PPP2R3A: variants seen among roughly 807,000 people sequenced by gnomAD.
PPP2R3A encodes the protein protein phosphatase 2 regulatory subunit B''alpha.
A neutral mutation model predicts 106.9 loss-of-function variants in PPP2R3A; 80 were observed. The observed-to-expected ratio is 0.75, with a 90% CI of 0.62 to 0.90. The LOEUF is 0.90. PPP2R3A is among the 40% of genes least tolerant of loss of function. PPP2R3A has a pLI of 0.00. For synonymous variants in PPP2R3A, 483 were observed against 468.3 expected (o/e 1.03, Z -0.41); for missense variants, 1,386 against 1,350.4 (o/e 1.03, Z -0.41).
intron 1 of PPP2R3A, among the ~76,000 whole-genome samples, chr3:135,980,253 G>C (rs886265178): frequency 1.3e-5 from 2 of 151,792 alleles, no homozygotes; most frequent in African/African-American, 4.9e-5. Context: ...AAATTTTCCA[G>C]AGATTGGAAA....
intron 1 of PPP2R3A, among the ~76,000 whole-genome samples, chr3:135,982,588 C>G (rs975245305): frequency 1.3e-5 from 2 of 152,166 alleles, no homozygotes; most frequent in Non-Finnish European, 2.9e-5. Context: ...CTTGCTGGCT[C>G]TCTTACAGCA....
intron 4 of PPP2R3A, among the ~76,000 whole-genome samples, chr3:136,041,228 G>A (rs1170378121): frequency 8.3e-6 from 1 of 120,636 alleles, no homozygotes; most frequent in Non-Finnish European, 1.7e-5. Flanking sequence ...AGTTTTACTT[G>A]GTTTTTCTTG....
At chr3:136,125,118 C>T (rs1423296286) in intron 13 of PPP2R3A, among the ~76,000 whole-genome samples, 1 of 151,978 alleles carries the variant, frequency 6.6e-6, no homozygotes, top group Non-Finnish European at 1.5e-5. Flanking sequence ...GTCGGGAGTT[C>T]GAGACCAGCC....
chr3:136,097,993 C>T (rs1370295238), intron 10 of PPP2R3A, among the ~76,000 whole-genome samples: 1 of 152,220 alleles, frequency 6.6e-6, no homozygotes, highest in Non-Finnish European at 1.5e-5. Context: ...TGAACCTCAC[C>T]ATAGCCAACC....
chr3:136,137,682 C>T (rs1249586928), intron 13 of PPP2R3A, among the ~76,000 whole-genome samples: 1 of 151,818 alleles, frequency 6.6e-6, no homozygotes, highest in African/African-American at 2.4e-5. Context: ...GCTGGGACTA[C>T]AGGCGCCTGC....
chr3:136,007,392 G>T (rs978172294), intron 2 of PPP2R3A, among the ~76,000 whole-genome samples: 3 of 152,162 alleles, frequency 2.0e-5, no homozygotes, highest in Non-Finnish European at 2.9e-5. Context: ...TCAAGGATGG[G>T]TACAAGAGGA....
chr3:136,121,015 G>T (rs1464486826), intron 13 of PPP2R3A, among the ~76,000 whole-genome samples: 1 of 152,118 alleles, frequency 6.6e-6, no homozygotes, highest in Non-Finnish European at 1.5e-5. Context: ...GCCACACTGT[G>T]GGGAGCAGTT....
intron 10 of PPP2R3A, among the ~76,000 whole-genome samples, chr3:136,095,284 A>G (rs1409245297): frequency 6.6e-6 from 1 of 152,242 alleles, no homozygotes; most frequent in Non-Finnish European, 1.5e-5. Context: ...TGTTACCAAC[A>G]AAGGTTTTTT....
rs981643616 is a variant in PPP2R3A at position 136,128,018 on chromosome 3, A to G, written c.3330-17025A>G. Among the ~76,000 whole-genome samples, 7 of 152,216 alleles carry G rather than the reference A, an allele frequency of 4.6e-5. No homozygotes were observed. In the East Asian group the frequency reaches 1.3e-3, roughly 29 times the overall value. On this transcript the variant is annotated intron_variant, in intron 13 of 13. Transcript: ENST00000264977. ...TATAAGAGCTCCTGAAGGAAGCACT[A>G]AACATGGAAAGAAGCAACCGGAACG...
chr3:135,986,102 A>C (rs1441889682), intron 1 of PPP2R3A, among the ~76,000 whole-genome samples: 2 of 152,150 alleles, frequency 1.3e-5, no homozygotes, highest in African/African-American at 2.4e-5. Context: ...GAAGAGAAAA[A>C]GAGTCATCAT....
chr3:136,130,988 A>C (rs1219032832), intron 13 of PPP2R3A, among the ~76,000 whole-genome samples: 1 of 152,188 alleles, frequency 6.6e-6, no homozygotes, highest in Non-Finnish European at 1.5e-5. Flanking sequence ...CCTTCCTTAC[A>C]CCTTATACAA....
chr3:136,139,708 AAG>A (rs1421021611), intron 13 of PPP2R3A, among the ~76,000 whole-genome samples: 17 of 149,522 alleles, frequency 1.1e-4, no homozygotes, highest in South Asian at 4.2e-4. Context: ...AAAAAAAAAA[AAG>A]AGTTTGTTCT....
intron 13 of PPP2R3A, among the ~76,000 whole-genome samples, chr3:136,130,375 A>T (rs1384161068): frequency 8.5e-5 from 13 of 152,216 alleles, no homozygotes; most frequent in Admixed American, 8.5e-4. Context: ...TACCAATAAC[A>T]AACAGCCAAA....
intron 2 of PPP2R3A, among the ~76,000 whole-genome samples, chr3:136,015,244 T>C (rs950773711): frequency 6.6e-6 from 1 of 152,166 alleles, no homozygotes; most frequent in Non-Finnish European, 1.5e-5. Flanking sequence ...TTGTTGAAGA[T>C]TTTTGCATCT....
At chr3:136,108,000 C>A (rs559642852) in intron 13 of PPP2R3A, among the ~76,000 whole-genome samples, 1 of 152,070 alleles carries the variant, frequency 6.6e-6, no homozygotes, top group Admixed American at 6.6e-5. Context: ...ATCACTTGAG[C>A]CCAGGAGTTC....
chr3:136,065,482 T>C (rs980781449), intron 5 of PPP2R3A, among the ~76,000 whole-genome samples: 19 of 152,250 alleles, frequency 1.2e-4, no homozygotes, highest in African/African-American at 4.6e-4. Flanking sequence ...ATGGAGAATT[T>C]TGAAATGCAT....
chr3:136,070,748 T>C (rs974429348), intron 6 of PPP2R3A, among the ~76,000 whole-genome samples, 196 bp downstream of exon 6: 5 of 152,218 alleles, frequency 3.3e-5, no homozygotes, highest in Non-Finnish European at 7.3e-5. Context: ...TTGTGCCCAA[T>C]ACTTACAAAA....
chr3:136,011,429 CTA>C (rs1291032889), intron 2 of PPP2R3A, among the ~76,000 whole-genome samples: 3 of 152,076 alleles, frequency 2.0e-5, no homozygotes, highest in African/African-American at 4.8e-5. Context: ...ACTTTTGTTT[CTA>C]TGTTATATTT....
Position 136,002,542 on chromosome 3 carries a change from T to G in PPP2R3A, c.1044T>G (p.Phe348Leu). 1.9e-6 allele frequency: 3 copies of G among 1,614,042 alleles called. No individual in the cohort carries two copies. In the South Asian group the frequency reaches 3.3e-5, roughly 18 times the overall value. Reference sequence around the variant, plus strand: ...TCTCAGCTTCTGACTCTGGACGATTTCAAACTATTGAATTGCAAAATGACA... The same window carrying G: ...TCTCAGCTTCTGACTCTGGACGATTGCAAACTATTGAATTGCAAAATGACA... ...VQLSASDSGR[F>L]QTIELQNDKP... The change falls in exon 2 of 14, where the codon TTT (phenylalanine) becomes TTG (leucine). Residue 348 changes from phenylalanine (F) to leucine (L), a missense_variant. Transcript: ENST00000264977.
Sources: allele counts gnomAD v4.1 joint callset (sites outside exome capture counted in the v4.1 genomes callset), GRCh38; gene constraint gnomAD v4.1.1; transcripts MANE v1.5; gene names NCBI Gene and HGNC (gene_info 2026-07-23, HGNC 2026-07-21).